WIZ: variants seen among roughly 807,000 people sequenced by gnomAD.
The protein encoded by WIZ is WIZ zinc finger.
In WIZ, 25 loss-of-function variants were observed where a neutral mutation model predicts 140.2. The observed-to-expected ratio is 0.18, with a 90% CI of 0.13 to 0.25. The LOEUF (loss-of-function observed/expected upper bound fraction) is 0.25, where lower values mean the gene tolerates loss of function less well. Among genes scored for constraint, WIZ ranks in the 10% least tolerant of loss-of-function variants. The pLI, the probability that WIZ is intolerant of heterozygous loss-of-function variation, is 1.00. For synonymous variants in WIZ, 1,125 were observed against 1,154.3 expected, an observed-to-expected ratio of 0.97 and a Z score of 0.51; for missense variants, 2,231 against 2,632.6, an observed-to-expected ratio of 0.85 and a Z score of 3.34.
Position 15,429,589 on chromosome 19 carries a change from G to T in WIZ, c.3412C>A (p.Leu1138Ile). The stretch of plus-strand genomic sequence containing the variant: ...GGCTCTTGGGACCCACACTCACTGA[G>T]GTTCAAGGGCCCCTCATCCTCAGAC... ...PQSEDEGPLN[L>I]TLDSDGGREL... The change falls in exon 7 of 13, where the codon CTC becomes ATC. Residue 1138 changes from leucine (L) to isoleucine (I), a missense_variant. Transcript: ENST00000673675. 2 of 1,374,684 alleles carry T rather than the reference G, an allele frequency of 1.5e-6. No homozygotes were observed. The highest frequency in any genetic ancestry group is 1.9e-6 in the Non-Finnish European group (2 of 1,066,204). 85.2% of individuals were successfully genotyped at this position (1,374,684 alleles called of 1,614,324 possible).
intron 1 of WIZ, 160 bp downstream of exon 1, chr19:15,449,638 C>A (rs1197539517): frequency 1.3e-5 from 2 of 149,200 alleles, no homozygotes; most frequent in African/African-American, 2.5e-5. Context: ...CCCCTCCCCC[C>A]ACCTGCACGG....
At chr19:15,432,679 C>G (rs1969344996) in intron 5 of WIZ, 1 of 150,076 alleles carries the variant, frequency 6.7e-6, no homozygotes, top group Non-Finnish European at 1.5e-5. Flanking sequence ...TTTTGTCACT[C>G]GGCACTGGGC....
chr19:15,434,153 G>A (rs1339203585), intron 5 of WIZ, among the ~76,000 whole-genome samples: 1 of 152,056 alleles, frequency 6.6e-6, no homozygotes, highest in African/African-American at 2.4e-5. Flanking sequence ...AGCTACTTGG[G>A]AGGCTGAGGC....
At chr19:15,432,512 G>A in intron 5 of WIZ, 1 of 972,254 alleles carries the variant, frequency 1.0e-6, no homozygotes, top group Non-Finnish European at 1.2e-6. Context: ...GGTGGCGGTG[G>A]CGGTGGTGGT....
In WIZ at chr19:15,440,604, G is replaced by C; in HGVS notation, c.390C>G (p.Val130=). The C allele has an allele frequency of 6.5e-7, 1 of 1,535,870 alleles. No homozygotes were observed. Among genetic ancestry groups the C allele is most frequent in the Non-Finnish European group, 8.7e-7 (1 of 1,146,666 alleles). The change falls in exon 4 of 13, where the codon GTC becomes GTG. Residue 130 remains valine (V), a synonymous_variant. Transcript: ENST00000673675. This position sits in a 1 kb window ranked among gnomAD's most constrained non-coding sequence, Gnocchi z 6.2. ...DGRGPWEHPL[V]QEAGEGILSE... ...ATAGGATGCCCTCCCCAGCCTCCTG[G>C]ACAAGGGGGTGCTCCCAGGGCCCCC...
chr19:15,439,962 C>A lies in WIZ; in HGVS notation c.1032G>T (p.Glu344Asp). ...MSQHRRAPGQ[E>D]PPADLAPLAC... ...CCAGCGGGGCCAGGTCCGCAGGGGG[C>A]TCCTGGCCCGGGGCTCGGCGGTGCT... Residue 344 changes from glutamate (E) to aspartate (D), a missense_variant, in exon 4 of 13, where the codon GAG becomes GAT. Glu to Asp is a conservative substitution (Grantham distance 45). Around this residue, in one of 15 missense-constraint regions of WIZ, gnomAD observed 475 missense variants for 520.2 expected, o/e 0.91. Transcript: ENST00000673675. The surrounding 1 kb of genome is among the most constrained non-coding windows in gnomAD (Gnocchi z 7.0). 1 of 1,535,646 alleles carries A rather than the reference C, an allele frequency of 6.5e-7. No homozygotes were observed. Among genetic ancestry groups the A allele is most frequent in the South Asian group, 1.2e-5 (1 of 84,034 alleles).
chr19:15,444,055 G>C (rs540669895), intron 2 of WIZ, among the ~76,000 whole-genome samples: 1 of 152,190 alleles, frequency 6.6e-6, no homozygotes, highest in Non-Finnish European at 1.5e-5. Flanking sequence ...CCAATTGCCC[G>C]GGCCAAGGTT....
Position 15,428,444 on chromosome 19 carries a change from G to A in WIZ, c.3480C>T (p.Arg1160=), listed in dbSNP as rs777746464. 9.8e-6 allele frequency: 15 copies of A among 1,535,644 alleles called. No individual in the cohort carries two copies. The South Asian group carries it at 1.7e-4, about 17-fold the overall frequency. ...CQLCGAWFET[R]KGLSSHARAH... Reference sequence around the variant, plus strand: ...CACGGGCGTGGCTAGACAGGCCCTTGCGGGTCTCAAACCAGGCACCGCACA... The same window carrying A: ...CACGGGCGTGGCTAGACAGGCCCTTACGGGTCTCAAACCAGGCACCGCACA... The change falls in exon 8 of 13, where the codon CGC becomes CGT. Residue 1160 remains arginine, a synonymous_variant. Transcript: ENST00000673675. The surrounding 1 kb of genome is among the most constrained non-coding windows in gnomAD (Gnocchi z 6.4).
At chr19:15,441,066 A>C (rs1028804343) in intron 3 of WIZ, among the ~76,000 whole-genome samples, 4 of 152,158 alleles carry the variant, frequency 2.6e-5, no homozygotes, top group African/African-American at 9.7e-5. Context: ...GGAGGACCCA[A>C]GCCTCTCATC....
intron 5 of WIZ, among the ~76,000 whole-genome samples, chr19:15,434,002 C>G (rs1017261671): frequency 4.6e-5 from 7 of 152,184 alleles, no homozygotes; most frequent in African/African-American, 1.7e-4. Context: ...CGCCTGTAAT[C>G]CCAGCACTTT....
At chr19:15,432,777 C>G (rs1969355242) in intron 5 of WIZ, among the ~76,000 whole-genome samples, 1 of 151,436 alleles carries the variant, frequency 6.6e-6, no homozygotes, top group South Asian at 2.1e-4. Flanking sequence ...GTGCCGCTGC[C>G]GCCGCCGCCA....
At chr19:15,430,876 A>C in intron 6 of WIZ, 136 bp downstream of exon 6, 1 of 1,142,232 alleles carries the variant, frequency 8.8e-7, no homozygotes, top group Non-Finnish European at 1.2e-6. Context: ...CTGAGTGCCA[A>C]CCTTGGTGCC....
At position 15,423,092 on chromosome 19, in the gene WIZ, G is replaced by A. The variant is rs539500159; in HGVS notation, c.5654C>T (p.Ala1885Val). ...ESQAPQAQTA[A>V]AEAP Reference sequence around the variant, plus strand: ...GCTTTTGTGTTAGGGAGCCTCTGCCGCCGCTGTCTGTGCCTGCGGGGCCTG... The same window carrying A: ...GCTTTTGTGTTAGGGAGCCTCTGCCACCGCTGTCTGTGCCTGCGGGGCCTG... Residue 1885 changes from alanine (A) to valine (V), a missense_variant, in exon 13 of 13, where the codon GCG (alanine) becomes GTG (valine). By Grantham distance (64) the Ala-to-Val change is moderately conservative (BLOSUM62 0). Transcript: ENST00000673675. 1.4e-5 allele frequency: 22 copies of A among 1,611,736 alleles called. No individual in the cohort carries two copies. The highest frequency in any genetic ancestry group is 6.7e-5 in the African/African-American group (5 of 74,982).
At position 15,448,239 on chromosome 19, in the gene WIZ, G is replaced by C; in HGVS notation, c.69C>G (p.Gly23=). ...DRPQGPERLP[G]PAPRENIEGG... ...CCTCGATGTTCTCCCTTGGCGCCGG[G>C]CCAGGCAGTCTCTCTGGGCCTTGGG... Residue 23 remains glycine (G), a synonymous_variant, in exon 2 of 13, where the codon GGC becomes GGG. Coordinates refer to ENST00000673675, the MANE Select transcript of WIZ (RefSeq NM_001371589.1). The C allele has an allele frequency of 6.2e-7, 1 of 1,613,574 alleles. No individual in the cohort carries two copies. Among genetic ancestry groups the C allele is most frequent in the Non-Finnish European group, 8.5e-7 (1 of 1,179,852 alleles).
At chr19:15,447,556 G>A (rs1001478089) in intron 2 of WIZ, among the ~76,000 whole-genome samples, 10 of 152,234 alleles carry the variant, frequency 6.6e-5, no homozygotes, top group Non-Finnish European at 1.0e-4. Context: ...GCACACCGAA[G>A]GTGCTCAGTA....
Position 15,427,589 on chromosome 19 carries a change from C to G in WIZ, c.3815-56G>C. 1 of 1,548,194 alleles carries G rather than the reference C, an allele frequency of 6.5e-7. No individual in the cohort carries two copies. The highest frequency in any genetic ancestry group is 8.7e-7 in the Non-Finnish European group (1 of 1,147,534). On this transcript the variant is annotated intron_variant, in intron 8 of 12. Coordinates refer to ENST00000673675, the MANE Select transcript of WIZ (RefSeq NM_001371589.1). The surrounding 1 kb of genome is among the most constrained non-coding windows in gnomAD (Gnocchi z 6.4). ...ATCGTGGAACTGCCAGCATGGTCAC[C>G]TGCAGGAGTGTCCTGGTCGGCTGGG... is the stretch of plus-strand genomic sequence containing the variant.
rs1968336098 is a variant in WIZ at position 15,420,701 on chromosome 19, C to T, written c.*2375G>A. The T allele has an allele frequency of 1.3e-5, 2 of 152,350 alleles. No homozygotes were observed. Among genetic ancestry groups the T allele is most frequent in the Middle Eastern group, 3.4e-3 (1 of 294 alleles). 9.4% of individuals were successfully genotyped at this position (152,350 alleles called of 1,614,324 possible). On this transcript the variant is annotated 3_prime_UTR_variant, in exon 13 of 13. Coordinates refer to ENST00000673675, the MANE Select transcript of WIZ (RefSeq NM_001371589.1). ...CCTGCAAGAACTGGAGGTGACTCTT[C>T]CAAGGACACACATGACCCTCACTTC...
Position 15,423,003 on chromosome 19 carries a change from G to A in WIZ, c.*73C>T, listed in dbSNP as rs1968464537. The A allele has an allele frequency of 7.1e-6, 11 of 1,553,490 alleles. No homozygotes were observed. Among genetic ancestry groups the A allele is most frequent in the Non-Finnish European group, 9.6e-6 (11 of 1,149,932 alleles). On this transcript the variant is annotated 3_prime_UTR_variant, in exon 13 of 13. Transcript: ENST00000673675. ...CTTTGGAAACGGAAAGAAAGAGGAA[G>A]AGGGACAAGGACACAGAGGAGGAAG...
In WIZ at chr19:15,440,969, A is replaced by G. The variant is rs573521304; in HGVS notation, c.279-254T>C. Among the ~76,000 whole-genome samples, 6 of 152,204 alleles carry G rather than the reference A, an allele frequency of 3.9e-5. No individual in the cohort carries two copies. The highest frequency in any genetic ancestry group is 1.2e-4 in the African/African-American group (5 of 41,520). On this transcript the variant is annotated intron_variant, in intron 3 of 12. Transcript: ENST00000673675. This position sits in a 1 kb window ranked among gnomAD's most constrained non-coding sequence, Gnocchi z 6.2. ...CCTAGCCCCGCTGCATTGTGGGGGA[A>G]TGTACGGAGACCACCCCTGGGCCAC... is the stretch of plus-strand genomic sequence containing the variant.
Sources: gnomAD v4.1 joint callset for allele counts (sites outside exome capture counted in the v4.1 genomes callset) on GRCh38, gnomAD v4.1.1 for gene constraint, gnomAD v4.1.1 regional missense constraint, Gnocchi (gnomAD v3.1) non-coding constraint, MANE v1.5 for transcripts, NCBI Gene and HGNC (gene_info 2026-07-23, HGNC 2026-07-21) for gene names.